The following AATF variants were observed in gnomAD, a reference collection of about 807,000 sequenced individuals.
AATF encodes the protein apoptosis antagonizing transcription factor.
Under a neutral mutation model 63.7 loss-of-function variants are expected in AATF, and 48 were observed. The observed-to-expected ratio is 0.75, with a 90% confidence interval of 0.60 to 0.96. The LOEUF is 0.96. AATF is among the 40% of genes least tolerant of loss of function. AATF has a pLI of 0.00. For missense variants in AATF, 639 were observed against 685.7 expected, an observed-to-expected ratio of 0.93 and a Z score of 0.76; for synonymous variants, 258 against 247.7, an observed-to-expected ratio of 1.04 and a Z score of -0.39.
chr17:37,000,297 G>A (rs1163683627), intron 8 of AATF, among the ~76,000 whole-genome samples: 1 of 152,164 alleles, frequency 6.6e-6, no homozygotes, highest in Admixed American at 6.5e-5. Flanking sequence ...TCAAAAGAGA[G>A]TAGTCAAGAA....
intron 9 of AATF, 90 bp from the exon 10 acceptor site, chr17:37,020,844 C>A (rs1445827581): frequency 3.8e-6 from 4 of 1,047,996 alleles, no homozygotes; most frequent in Non-Finnish European, 5.5e-6. Context: ...TGATTTCTTT[C>A]TGCAGGGTTG....
intron 3 of AATF, among the ~76,000 whole-genome samples, chr17:36,953,512 G>A (rs1355146996): frequency 1.3e-5 from 2 of 152,152 alleles, no homozygotes; most frequent in Non-Finnish European, 2.9e-5. Flanking sequence ...AGTACTTCCT[G>A]CAACTGGGGA....
chr17:36,972,495 C>A (rs2071046673), intron 4 of AATF, among the ~76,000 whole-genome samples: 1 of 152,068 alleles, frequency 6.6e-6, no homozygotes, highest in Non-Finnish European at 1.5e-5. Context: ...GTGTATAGAA[C>A]AAGAATTAAT....
At chr17:36,974,938 T>A (rs1034359466) in intron 4 of AATF, among the ~76,000 whole-genome samples, 1 of 152,196 alleles carries the variant, frequency 6.6e-6, no homozygotes, top group African/African-American at 2.4e-5. Flanking sequence ...TCAGAAGACC[T>A]CTTTGTATTG....
At chr17:37,004,773 G>T (rs2071329566) in intron 8 of AATF, among the ~76,000 whole-genome samples, 1 of 152,158 alleles carries the variant, frequency 6.6e-6, no homozygotes, top group South Asian at 2.1e-4. Flanking sequence ...AGAGTGAATG[G>T]ACTAGGAAAG....
chr17:36,951,539 C>T (rs1255788258), intron 2 of AATF, among the ~76,000 whole-genome samples: 1 of 152,094 alleles, frequency 6.6e-6, no homozygotes, highest in African/African-American at 2.4e-5. Context: ...CTCCCAATTG[C>T]GCAGGAAGTT....
At chr17:37,032,362 A>G (rs1227998135) in intron 11 of AATF, among the ~76,000 whole-genome samples, 1 of 152,172 alleles carries the variant, frequency 6.6e-6, no homozygotes, top group Non-Finnish European at 1.5e-5. Context: ...AGATAGTGGA[A>G]GTGCCGTCAA....
intron 8 of AATF, among the ~76,000 whole-genome samples, chr17:37,002,308 T>C (rs2071305499): frequency 6.6e-6 from 1 of 150,986 alleles, no homozygotes; most frequent in African/African-American, 2.4e-5. Flanking sequence ...TGCACAAAAA[T>C]CAGTTGTGTT....
At chr17:36,954,845 T>C (rs2070886657) in intron 4 of AATF, among the ~76,000 whole-genome samples, 1 of 152,184 alleles carries the variant, frequency 6.6e-6, no homozygotes, top group Admixed American at 6.5e-5. Flanking sequence ...CTTGCCTGTG[T>C]GCCCAGTGGC....
chr17:36,952,440 A>G (rs1443963667), intron 2 of AATF, among the ~76,000 whole-genome samples: 1 of 152,240 alleles, frequency 6.6e-6, no homozygotes, highest in Non-Finnish European at 1.5e-5. Flanking sequence ...GATGTGATAG[A>G]TTGTACATTT....
rs1483912218 is a variant in AATF at position 37,046,724 on chromosome 17, T to TCCC, written c.1620-9874_1620-9872dup. Among the ~76,000 whole-genome samples, 5 of 124,894 alleles carry TCCC rather than the reference T, an allele frequency of 4.0e-5. 1 individual carries two copies. The highest frequency in any genetic ancestry group is 1.3e-4 in the African/African-American group (4 of 30,066). 81.9% of individuals were successfully genotyped at this position (124,894 alleles called of 152,430 possible). Reference sequence around the variant, plus strand: ...TAGAGCTGAGCGATGCATCCTGTGCTCCCCCAACACACACACACACACACA... The same window carrying TCCC: ...TAGAGCTGAGCGATGCATCCTGTGCTCCCCCCCCAACACACACACACACACACA... On this transcript the variant is annotated intron_variant, in intron 11 of 11. Coordinates refer to ENST00000619387, the MANE Select transcript of AATF (RefSeq NM_012138.4).
At position 37,044,625 on chromosome 17, in the gene AATF, G is replaced by A. The variant is rs79990045; in HGVS notation, c.1620-11976G>A. Among the ~76,000 whole-genome samples, 266 of 152,228 alleles carry A rather than the reference G, an allele frequency of 1.7e-3. 1 individual carries two copies. The highest frequency in any genetic ancestry group is 5.5e-3 in the African/African-American group (230 of 41,520). On this transcript the variant is annotated intron_variant, in intron 11 of 11. Transcript: ENST00000619387. The stretch of plus-strand genomic sequence containing the variant: ...TGCTATTTAAACCAGGTTTGGTTCT[G>A]ATGGCCTTCCTATAAATTATTACAG...
chr17:36,985,115 T>C (rs2071157599), intron 4 of AATF, among the ~76,000 whole-genome samples: 1 of 152,126 alleles, frequency 6.6e-6, no homozygotes, highest in South Asian at 2.1e-4. Context: ...TTGGCCAGGC[T>C]GGTCTCGATC....
intron 10 of AATF, among the ~76,000 whole-genome samples, chr17:37,021,305 A>G (rs1163633808): frequency 6.6e-6 from 1 of 152,226 alleles, no homozygotes; most frequent in African/African-American, 2.4e-5. Context: ...AATTATATTA[A>G]CTTTAACAAT....
intron 4 of AATF, 65 bp downstream of exon 4, chr17:36,953,972 T>G: frequency 6.5e-7 from 1 of 1,536,088 alleles, no homozygotes; most frequent in Non-Finnish European, 8.9e-7. Flanking sequence ...CAGCTTTGAT[T>G]GAAGTGGACT....
intron 4 of AATF, among the ~76,000 whole-genome samples, chr17:36,981,618 T>C (rs75900183): frequency 0.12 from 17,658 of 151,400 alleles, 1,293 homozygotes; most frequent in Non-Finnish European, 0.16. Context: ...TGATTTCTTC[T>C]TCTTCTTTCT....
At chr17:37,026,840 A>G (rs990096968) in intron 10 of AATF, among the ~76,000 whole-genome samples, 30 of 152,270 alleles carry the variant, frequency 2.0e-4, no homozygotes, top group Middle Eastern at 3.4e-3. Flanking sequence ...ATCCTTTCCT[A>G]AGGGGTTAAA....
chr17:36,981,709 T>TC (rs2071126803), intron 4 of AATF, among the ~76,000 whole-genome samples: 1 of 138,058 alleles, frequency 7.2e-6, no homozygotes, highest in African/African-American at 3.2e-5. Context: ...TTTCTTTTTT[T>TC]TTTTTTTTTT....
At chr17:37,046,393 G>A (rs1290439694) in intron 11 of AATF, among the ~76,000 whole-genome samples, 1 of 152,038 alleles carries the variant, frequency 6.6e-6, no homozygotes, top group East Asian at 1.9e-4. Context: ...GCAGAGGAGA[G>A]CCAGGAGAAC....
Sources: allele counts gnomAD v4.1 joint callset (sites outside exome capture counted in the v4.1 genomes callset), GRCh38; gene constraint gnomAD v4.1.1; transcripts MANE v1.5; gene names NCBI Gene and HGNC (gene_info 2026-07-23, HGNC 2026-07-21).